WDPCP: variants seen among roughly 807,000 people sequenced by gnomAD.
The protein encoded by WDPCP is WD repeat containing planar cell polarity effector.
In WDPCP, 71 loss-of-function variants were observed where a neutral mutation model predicts 93.1. The observed-to-expected ratio is 0.76, with a 90% CI of 0.63 to 0.93. The LOEUF (loss-of-function observed/expected upper bound fraction) is 0.93. Ranked by LOEUF, WDPCP falls within the 40% of genes least tolerant of loss-of-function variation. The pLI is 0.00. For synonymous variants in WDPCP, 315 were observed against 315.0 expected, an observed-to-expected ratio of 1.00 and a Z score of 0.00; for missense variants, 844 against 887.4, an observed-to-expected ratio of 0.95 and a Z score of 0.62.
At chr2:63,215,941 A>C (rs534707222) in intron 14 of WDPCP, among the ~76,000 whole-genome samples, 3 of 152,384 alleles carry the variant, frequency 2.0e-5, no homozygotes, top group African/African-American at 7.2e-5. Flanking sequence ...ATGCAGCCAA[A>C]AGACACATGA....
chr2:63,312,335 A>G (rs1446293262), intron 13 of WDPCP, among the ~76,000 whole-genome samples: 3 of 152,194 alleles, frequency 2.0e-5, no homozygotes, highest in African/African-American at 4.8e-5. Flanking sequence ...ACTGTGCAAA[A>G]GATTCAGGAA....
chr2:63,722,558 T>TGG (rs561385087), intron 2 of WDPCP, among the ~76,000 whole-genome samples: 567 of 49,986 alleles, frequency 0.011, 39 homozygotes, highest in African/African-American at 0.033. Flanking sequence ...GGGAGGGAGG[T>TGG]GGGGGGGGGT....
intron 14 of WDPCP, 81 bp from the exon 15 acceptor site, chr2:63,174,913 C>T: frequency 6.8e-7 from 1 of 1,463,856 alleles, no homozygotes; most frequent in Non-Finnish European, 9.6e-7. Flanking sequence ...TACAGAACAA[C>T]ATTCACATAT....
chr2:63,561,928 C>G (rs1706658744), intron 1 of WDPCP, among the ~76,000 whole-genome samples: 1 of 152,148 alleles, frequency 6.6e-6, no homozygotes, highest in Admixed American at 6.5e-5. Flanking sequence ...GGTGGGAATG[C>G]ATATTGGTTC....
chr2:63,247,231 C>T (rs1313938256), intron 14 of WDPCP, among the ~76,000 whole-genome samples: 1 of 152,154 alleles, frequency 6.6e-6, no homozygotes, highest in Non-Finnish European at 1.5e-5. Flanking sequence ...TTACTCAGAA[C>T]ACAACATTGT....
chr2:63,756,510 A>G (rs1309582239), intron 2 of WDPCP, among the ~76,000 whole-genome samples: 1 of 152,194 alleles, frequency 6.6e-6, no homozygotes, highest in Non-Finnish European at 1.5e-5. Flanking sequence ...ATAGAATTTA[A>G]TAACATTTAC....
intron 14 of WDPCP, among the ~76,000 whole-genome samples, chr2:63,197,685 G>C (rs1675551947): frequency 6.6e-6 from 1 of 152,098 alleles, no homozygotes; most frequent in Non-Finnish European, 1.5e-5. Flanking sequence ...TCTGAAACTA[G>C]CCATTATTTA....
chr2:63,503,068 A>T (rs1294002816), intron 1 of WDPCP, among the ~76,000 whole-genome samples: 6 of 152,256 alleles, frequency 3.9e-5, no homozygotes, highest in Non-Finnish European at 7.3e-5. Flanking sequence ...AAAATCTTTT[A>T]AAATCTTTTG....
intron 1 of WDPCP, among the ~76,000 whole-genome samples, chr2:63,578,662 G>T (rs1056319019): frequency 1.4e-4 from 21 of 152,092 alleles, no homozygotes; most frequent in African/African-American, 4.3e-4. Context: ...ATCTACCTCT[G>T]TCTCTCTAAG....
intron 2 of WDPCP, among the ~76,000 whole-genome samples, chr2:63,808,119 C>T (rs1012714285): frequency 3.3e-5 from 5 of 152,104 alleles, no homozygotes; most frequent in Non-Finnish European, 5.9e-5. Context: ...AAGAAAATAA[C>T]TGAGGCCACA....
At chr2:63,365,095 G>T (rs11883730) in intron 12 of WDPCP, among the ~76,000 whole-genome samples, 121,649 of 152,166 alleles carry the variant, frequency 0.8, 49,484 homozygotes, top group East Asian at 0.97. Flanking sequence ...CAAAGTAAAG[G>T]TCCCGGCCAT....
intron 12 of WDPCP, among the ~76,000 whole-genome samples, chr2:63,314,468 A>C (rs1476564317): frequency 6.6e-6 from 1 of 152,076 alleles, no homozygotes; most frequent in East Asian, 1.9e-4. Flanking sequence ...ATTGTCATCC[A>C]TCTTCTTAGG....
At chr2:63,358,719 G>C (rs1399310069) in intron 12 of WDPCP, among the ~76,000 whole-genome samples, 1 of 152,156 alleles carries the variant, frequency 6.6e-6, no homozygotes, top group Non-Finnish European at 1.5e-5. Context: ...GGCTTCCAAA[G>C]TTCTGGGATT....
intron 13 of WDPCP, among the ~76,000 whole-genome samples, chr2:63,264,275 G>GAAAA (rs1681907691): frequency 6.6e-6 from 1 of 152,172 alleles, no homozygotes; most frequent in African/African-American, 2.4e-5. Flanking sequence ...AAATGGATGG[G>GAAAA]AAAAAGATAT....
At chr2:63,721,820 G>C (rs6731502) in intron 2 of WDPCP, among the ~76,000 whole-genome samples, 3 of 151,312 alleles carry the variant, frequency 2.0e-5, no homozygotes, top group Non-Finnish European at 4.4e-5. Flanking sequence ...CTGCCATCTC[G>C]GCTCACTGCA....
chr2:63,150,450 A>G (rs1360160656), intron 17 of WDPCP, among the ~76,000 whole-genome samples: 1 of 152,208 alleles, frequency 6.6e-6, no homozygotes, highest in Non-Finnish European at 1.5e-5. Flanking sequence ...GGACAGCCCA[A>G]GAGCAAATAA....
intron 3 of WDPCP, chr2:63,643,876 T>G: frequency 1.9e-6 from 1 of 534,386 alleles, no homozygotes. Context: ...CTTCATCTCC[T>G]GTCAAGGCAT....
chr2:63,201,644 C>A (rs1251410486), intron 14 of WDPCP, among the ~76,000 whole-genome samples: 1 of 152,140 alleles, frequency 6.6e-6, no homozygotes, highest in Non-Finnish European at 1.5e-5. Flanking sequence ...AGAATTTCAT[C>A]ACTAAACTTT....
At chr2:63,231,902 G>T (rs1306842797) in intron 14 of WDPCP, among the ~76,000 whole-genome samples, 1 of 151,942 alleles carries the variant, frequency 6.6e-6, no homozygotes, top group African/African-American at 2.4e-5. Context: ...AACAAAGCTG[G>T]AGGCATCACG....
Sources: allele counts gnomAD v4.1 joint callset (sites outside exome capture counted in the v4.1 genomes callset), GRCh38; gene constraint gnomAD v4.1.1; transcripts MANE v1.5; gene names NCBI Gene and HGNC (gene_info 2026-07-23, HGNC 2026-07-21).